The following B3GNT2 variants were observed in gnomAD, a reference collection of about 807,000 sequenced individuals.
The protein encoded by B3GNT2 is UDP-GlcNAc:betaGal beta-1,3-N-acetylglucosaminyltransferase 2.
A neutral mutation model predicts 27.6 loss-of-function variants in B3GNT2; 12 were observed. The observed-to-expected ratio is 0.44, with a 90% CI of 0.28 to 0.71. B3GNT2 has a LOEUF of 0.71. Among genes scored for constraint, B3GNT2 ranks in the 30% least tolerant of loss-of-function variants. The pLI is 0.17. For synonymous variants in B3GNT2, 192 were observed against 189.7 expected, an observed-to-expected ratio of 1.01 and a Z score of -0.10; for missense variants, 413 against 488.5, an observed-to-expected ratio of 0.85 and a Z score of 1.46.
intron 1 of B3GNT2, among the ~76,000 whole-genome samples, chr2:62,219,985 G>A (rs551973150): frequency 1.3e-5 from 2 of 152,322 alleles, no homozygotes; most frequent in South Asian, 4.1e-4. Context: ...TATAATAGTG[G>A]TGTTAACTAC....
rs1674326833 is a variant in B3GNT2 at position 62,204,291 on chromosome 2, G to A, written c.-10+7936G>A. On this transcript the variant is annotated intron_variant, in intron 1 of 1. Coordinates refer to ENST00000301998, the MANE Select transcript of B3GNT2 (RefSeq NM_006577.6). ...TCCACCTGCCTTGGCCTCCCAAAGT[G>A]CCTGGTAGAAATTTTTCTAATTGTT... 3.2e-5 allele frequency among the ~76,000 whole-genome samples: 3 copies of A among 92,910 alleles called. No individual in the cohort carries two copies. In the South Asian group the frequency reaches 1.2e-3, roughly 36 times the overall value. 61.0% of individuals were successfully genotyped at this position (92,910 alleles called of 152,430 possible). A position where few individuals can be genotyped will look rare whatever the true frequency, so the allele number is the denominator to read the frequency against.
At chr2:62,198,948 CT>C (rs543498063) in intron 1 of B3GNT2, among the ~76,000 whole-genome samples, 11 of 149,044 alleles carry the variant, frequency 7.4e-5, no homozygotes, top group Admixed American at 6.7e-5. Context: ...ATGTTTTTTT[CT>C]TTTTTTTTTG....
intron 1 of B3GNT2, among the ~76,000 whole-genome samples, chr2:62,217,595 G>T (rs1674601081): frequency 6.6e-6 from 1 of 152,156 alleles, no homozygotes; most frequent in African/African-American, 2.4e-5. Flanking sequence ...TGTAGGGGTC[G>T]AATACGGCGA....
chr2:62,219,424 G>C (rs1392669868), intron 1 of B3GNT2, among the ~76,000 whole-genome samples: 1 of 152,154 alleles, frequency 6.6e-6, no homozygotes, highest in African/African-American at 2.4e-5. Flanking sequence ...TGGACTACAG[G>C]AGTGCACCAC....
chr2:62,207,218 C>T (rs1434811826), intron 1 of B3GNT2, among the ~76,000 whole-genome samples: 8 of 151,728 alleles, frequency 5.3e-5, no homozygotes, highest in Admixed American at 2.6e-4. Context: ...CTCACTCTGT[C>T]GCTCAGGTTG....
At chr2:62,200,090 C>T (rs1674236895) in intron 1 of B3GNT2, among the ~76,000 whole-genome samples, 1 of 152,148 alleles carries the variant, frequency 6.6e-6, no homozygotes, top group South Asian at 2.1e-4. Context: ...GAGATTTTTG[C>T]CCTCTGTGTG....
At chr2:62,220,195 G>A (rs968442924) in intron 1 of B3GNT2, among the ~76,000 whole-genome samples, 3 of 152,204 alleles carry the variant, frequency 2.0e-5, no homozygotes, top group African/African-American at 4.8e-5. Context: ...TCTTTGCTTC[G>A]AAGTTAAACT....
intron 1 of B3GNT2, among the ~76,000 whole-genome samples, chr2:62,211,899 C>G (rs9636394): frequency 6.6e-6 from 1 of 152,338 alleles, no homozygotes; most frequent in East Asian, 1.9e-4. Context: ...GACTAAAGGG[C>G]TGTCACGTAT....
At chr2:62,204,641 A>G (rs1674333266) in intron 1 of B3GNT2, among the ~76,000 whole-genome samples, 1 of 152,222 alleles carries the variant, frequency 6.6e-6, no homozygotes, top group East Asian at 1.9e-4. Flanking sequence ...ATGTAACTTT[A>G]TTCTTGAGAT....
intron 1 of B3GNT2, among the ~76,000 whole-genome samples, chr2:62,208,804 A>C (rs922520594): frequency 6.6e-6 from 1 of 152,154 alleles, no homozygotes; most frequent in African/African-American, 2.4e-5. Flanking sequence ...AGTGGTAGGC[A>C]CTAGAGATGC....
At chr2:62,196,862 G>T (rs924841368) in intron 1 of B3GNT2, among the ~76,000 whole-genome samples, 1 of 151,846 alleles carries the variant, frequency 6.6e-6, no homozygotes, top group Non-Finnish European at 1.5e-5. Flanking sequence ...CCCCACCCTC[G>T]CACTGCGCCG....
intron 1 of B3GNT2, among the ~76,000 whole-genome samples, chr2:62,211,271 G>T (rs920303334): frequency 6.6e-6 from 1 of 152,140 alleles, no homozygotes. Flanking sequence ...TGGGGGCATC[G>T]ATTGAACCCA....
chr2:62,199,297 G>T (rs1373150061), intron 1 of B3GNT2, among the ~76,000 whole-genome samples: 1 of 152,268 alleles, frequency 6.6e-6, no homozygotes, highest in Non-Finnish European at 1.5e-5. Flanking sequence ...ATTTAGGGAT[G>T]CTGATCCACA....
chr2:62,203,649 T>G (rs563406883), intron 1 of B3GNT2, among the ~76,000 whole-genome samples: 1 of 152,106 alleles, frequency 6.6e-6, no homozygotes, highest in South Asian at 2.1e-4. Flanking sequence ...CAAATGGGCA[T>G]GACAAGGAGC....
At position 62,222,739 on chromosome 2, in the gene B3GNT2, C is replaced by T. The variant is rs1212831665; in HGVS notation, c.519C>T (p.Asn173=). The T allele has an allele frequency of 6.2e-7, 1 of 1,614,234 alleles. No individual in the cohort carries two copies. The highest frequency in any genetic ancestry group is 8.5e-7 in the Non-Finnish European group (1 of 1,180,038). The change falls in exon 2 of 2, where the codon AAC becomes AAT. Residue 173 remains asparagine (N), a synonymous_variant. Transcript: ENST00000301998. This position sits in a 1 kb window ranked among gnomAD's most constrained non-coding sequence, Gnocchi z 4.2. Reference sequence around the variant, plus strand: ...GGGGCCAAGAAAGCAACGCAGGGAACCAAACGGTGGTGCGAGTCTTCCTGC... The same window carrying T: ...GGGGCCAAGAAAGCAACGCAGGGAATCAAACGGTGGTGCGAGTCTTCCTGC... ...ESWGQESNAG[N]QTVVRVFLLG...
intron 1 of B3GNT2, among the ~76,000 whole-genome samples, chr2:62,201,869 G>A (rs1488399202): frequency 1.3e-5 from 2 of 152,040 alleles, no homozygotes; most frequent in Non-Finnish European, 2.9e-5. Flanking sequence ...ACAAAATATG[G>A]GCCTGCTTAG....
intron 1 of B3GNT2, among the ~76,000 whole-genome samples, chr2:62,218,074 T>C (rs1220688293): frequency 2.6e-5 from 4 of 152,156 alleles, no homozygotes; most frequent in Non-Finnish European, 5.9e-5. Flanking sequence ...GGGGTGAGTT[T>C]TCTTAAATTC....
Position 62,223,793 on chromosome 2 carries a change from A to G in B3GNT2, c.*379A>G, listed in dbSNP as rs1448440107. The G allele has an allele frequency of 1.7e-5, 3 of 178,682 alleles. No homozygotes were observed. Among genetic ancestry groups the G allele is most frequent in the Non-Finnish European group, 4.0e-5 (3 of 75,548 alleles). The allele number at this position is 178,682 out of a possible 1,614,324, so 11.1% of individuals were successfully genotyped here. A position where few individuals can be genotyped will look rare whatever the true frequency, so the allele number is the denominator to read the frequency against. The stretch of plus-strand genomic sequence containing the variant: ...TGATTTATTTGTAATTCAGGTATTT[A>G]TAAACCTATTGGCTACAAAGACTTT... On this transcript the variant is annotated 3_prime_UTR_variant, in exon 2 of 2. Transcript: ENST00000301998.
chr2:62,222,203 T>G lies in B3GNT2; in HGVS notation c.-9-9T>G. On this transcript the variant is annotated splice_polypyrimidine_tract_variant and intron_variant, in intron 1 of 1. Transcript: ENST00000301998. The surrounding 1 kb of genome is among the most constrained non-coding windows in gnomAD (Gnocchi z 4.2). ...GTAATTGATACAATACTCCACCCCT[T>G]TATTCCAGATATGAGAAATGAGTGT... is the stretch of plus-strand genomic sequence containing the variant. The G allele has an allele frequency of 6.4e-7, 1 of 1,572,798 alleles. No homozygotes were observed. The highest frequency in any genetic ancestry group is 8.6e-7 in the Non-Finnish European group (1 of 1,162,320).
Sources: allele counts gnomAD v4.1 joint callset (sites outside exome capture counted in the v4.1 genomes callset), GRCh38; gene constraint gnomAD v4.1.1; non-coding constraint Gnocchi (gnomAD v3.1); transcripts MANE v1.5; gene names NCBI Gene and HGNC (gene_info 2026-07-23, HGNC 2026-07-21).